Variants in APOC1 observed in about 807,000 individuals in gnomAD.
The protein encoded by APOC1 is apolipoprotein C-I.
Under a neutral mutation model 6.7 loss-of-function variants are expected in APOC1, and 4 were observed. The observed-to-expected ratio is 0.60, with a 90% confidence interval of 0.29 to 1.37. The LOEUF (loss-of-function observed/expected upper bound fraction) is 1.37, where lower values mean the gene tolerates loss of function less well. APOC1 is among the 40% of genes most tolerant of loss of function. The probability of loss-of-function intolerance (pLI) is 0.09; values close to 1 mark genes in which losing one functional copy is unlikely to be tolerated. For missense variants in APOC1, 122 were observed against 99.4 expected (o/e 1.23, Z -0.97); for synonymous variants, 33 against 40.6 (o/e 0.81, Z 0.72).
intron 3 of APOC1, among the ~76,000 whole-genome samples, chr19:44,917,150 A>C (rs1368298680): frequency 2.6e-5 from 4 of 152,198 alleles, no homozygotes; most frequent in Non-Finnish European, 5.9e-5. Flanking sequence ...GTAAAGGAGC[A>C]GGCCTACAGG....
intron 2 of APOC1, among the ~76,000 whole-genome samples, chr19:44,915,627 CA>C (rs891013576): frequency 6.6e-6 from 1 of 151,496 alleles, no homozygotes; most frequent in Non-Finnish European, 1.5e-5. Context: ...ACATGATCCC[CA>C]AGGATCTCTA....
At chr19:44,916,358 G>A in intron 3 of APOC1, 33 bp downstream of exon 3, 2 of 1,611,164 alleles carry the variant, frequency 1.2e-6, no homozygotes, top group Non-Finnish European at 1.7e-6. Flanking sequence ...GGGAGAGCTG[G>A]GGTGTGTTTT....
intron 2 of APOC1, 130 bp downstream of exon 2, chr19:44,915,079 T>C (rs1316763596): frequency 2.1e-6 from 2 of 972,578 alleles, no homozygotes; most frequent in South Asian, 1.4e-5. Context: ...TGCCTCATCG[T>C]GGTCGGGTGG....
chr19:44,915,959 A>T (rs185495905), intron 2 of APOC1, among the ~76,000 whole-genome samples: 85 of 151,472 alleles, frequency 5.6e-4, no homozygotes, highest in African/African-American at 2.1e-3. Context: ...ACACAGCAAG[A>T]CTCCGTCTCA....
At position 44,914,704 on chromosome 19, in the gene APOC1, TC is replaced by T. The variant is rs1475013747; in HGVS notation, c.-47del. The T allele has an allele frequency of 1.7e-6, 1 of 603,798 alleles. No homozygotes were observed. Among genetic ancestry groups the T allele is most frequent in the African/African-American group, 1.9e-5 (1 of 53,914 alleles). 37.4% of individuals were successfully genotyped at this position (603,798 alleles called of 1,614,324 possible). A position where few individuals can be genotyped will look rare whatever the true frequency, so the allele number is the denominator to read the frequency against. On this transcript the variant is annotated 5_prime_UTR_variant, in exon 1 of 4. Coordinates refer to ENST00000592535, the MANE Select transcript of APOC1 (RefSeq NM_001645.5). ...AAGGTCCTGCGGGCAGGACAGGACCTCCCAACCAAGCCCTCCAGCAAGGATT... is the reference window on the plus strand; with the variant it reads ...AAGGTCCTGCGGGCAGGACAGGACCTCCAACCAAGCCCTCCAGCAAGGATT...
chr19:44,916,793 G>A, intron 3 of APOC1, among the ~76,000 whole-genome samples: 1 of 116,486 alleles, frequency 8.6e-6, no homozygotes, highest in Non-Finnish European at 1.6e-5. Flanking sequence ...CTGGGTGACA[G>A]AAGGAGACTC....
At chr19:44,916,827 A>C (rs1029586802) in intron 3 of APOC1, among the ~76,000 whole-genome samples, 5 of 149,972 alleles carry the variant, frequency 3.3e-5, no homozygotes, top group African/African-American at 9.8e-5. Context: ...AAAAAAAAAA[A>C]AAAAAAAACA....
chr19:44,916,527 A>G, intron 3 of APOC1: 1 of 717,056 alleles, frequency 1.4e-6, no homozygotes, highest in Non-Finnish European at 2.2e-6. Flanking sequence ...ATTTTAAAAG[A>G]TGGTCTTGGG....
At chr19:44,917,999 G>A (rs534984418) in intron 3 of APOC1, among the ~76,000 whole-genome samples, 4 of 151,640 alleles carry the variant, frequency 2.6e-5, no homozygotes, top group African/African-American at 9.7e-5. Context: ...CTCCTGGCGC[G>A]GTGGCTCACG....
In APOC1 at chr19:44,916,173, G is replaced by GCCCATCTTC. The variant is rs1403710136; in HGVS notation, c.59-15_59-7dup. 2.0e-6 allele frequency: 2 copies of GCCCATCTTC among 997,616 alleles called. No individual in the cohort carries two copies. Among genetic ancestry groups the GCCCATCTTC allele is most frequent in the Non-Finnish European group, 2.8e-6 (2 of 712,338 alleles). The allele number at this position is 997,616 out of a possible 1,614,324, so 61.8% of individuals were successfully genotyped here. ...AAAAAAAAACAAATTTTGAACCCCT[G>GCCCATCTTC]CCCATCTTCCTGGCAGGCCCAGCCC... On this transcript the variant is annotated splice_polypyrimidine_tract_variant and intron_variant, in intron 2 of 3. Transcript: ENST00000592535.
intron 2 of APOC1, chr19:44,915,300 G>A (rs969880548): frequency 1.4e-4 from 29 of 204,124 alleles, no homozygotes; most frequent in East Asian, 7.0e-4. Flanking sequence ...GGTCACTCCA[G>A]TATTCCTCCC....
chr19:44,919,031 G>A (rs1250381863), intron 3 of APOC1, 142 bp from the exon 4 acceptor site: 1 of 774,508 alleles, frequency 1.3e-6, no homozygotes. Flanking sequence ...GGCCCACCCA[G>A]CCCAGCGGTC....
At chr19:44,916,064 G>T in intron 2 of APOC1, 126 bp from the exon 3 acceptor site, 1 of 1,112,196 alleles carries the variant, frequency 9.0e-7, no homozygotes, top group Non-Finnish European at 1.2e-6. Flanking sequence ...TTGAACCCGG[G>T]AGGTGGTGGT....
chr19:44,915,117 C>A (rs576548559), intron 2 of APOC1, 168 bp downstream of exon 2: 2 of 679,728 alleles, frequency 2.9e-6, no homozygotes, highest in African/African-American at 1.8e-5. Context: ...GGCTCAGTCC[C>A]GCAGGCGCCA....
intron 3 of APOC1, among the ~76,000 whole-genome samples, chr19:44,917,988 ACTC>A (rs1467007784): frequency 6.7e-6 from 1 of 148,788 alleles, no homozygotes; most frequent in Non-Finnish European, 1.5e-5. Flanking sequence ...AAGAAAAAAA[ACTC>A]CTGGCGCGGT....
In APOC1 at chr19:44,919,195, C is replaced by T; in HGVS notation, c.217C>T (p.Gln73Ter). Reference sequence around the variant, plus strand: ...CAGGGAGTGGTTTTCAGAGACATTTCAGAAAGTGAAGGAGAAACTCAAGAT... The same window carrying T: ...CAGGGAGTGGTTTTCAGAGACATTTTAGAAAGTGAAGGAGAAACTCAAGAT... ...KMREWFSETF[Q>*]KVKEKLKIDS Residue 73 changes from glutamine (Q) to a stop codon, truncating the protein, a stop_gained, in exon 4 of 4, where the codon CAG becomes TAG. Transcript: ENST00000592535. LOFTEE classifies it low-confidence loss of function (END_TRUNC). The T allele has an allele frequency of 6.2e-7, 1 of 1,613,886 alleles. No homozygotes were observed. Among genetic ancestry groups the T allele is most frequent in the African/African-American group, 1.3e-5 (1 of 75,024 alleles).
intron 2 of APOC1, 39 bp from the exon 3 acceptor site, chr19:44,916,151 A>AAAAAAC (rs1555791350): frequency 6.6e-7 from 1 of 1,522,370 alleles, no homozygotes; most frequent in Non-Finnish European, 8.8e-7. Context: ...AAAAAAAAAA[A>AAAAAAC]AAAAACAAAT....
chr19:44,915,098 G>T (rs1329082009), intron 2 of APOC1, 149 bp downstream of exon 2: 1 of 787,300 alleles, frequency 1.3e-6, no homozygotes, highest in Admixed American at 2.1e-5. Context: ...GGGTCTCCAG[G>T]TTCTCCCAGG....
Sources: allele counts gnomAD v4.1 joint callset (sites outside exome capture counted in the v4.1 genomes callset), GRCh38; gene constraint gnomAD v4.1.1; transcripts MANE v1.5; gene names NCBI Gene and HGNC (gene_info 2026-07-23, HGNC 2026-07-21).